The following CCDC7 variants were observed in gnomAD, a reference collection of about 807,000 sequenced individuals.
CCDC7 encodes the protein coiled-coil domain containing 7, also known as coiled-coil domain-containing protein 7.
Under a neutral mutation model 196.9 loss-of-function variants are expected in CCDC7, and 183 were observed. The ratio of observed to expected loss-of-function variants is 0.93; its 90% CI spans 0.82 to 1.05. The LOEUF (loss-of-function observed/expected upper bound fraction) is 1.05, where lower values mean the gene tolerates loss of function less well. Among genes scored for constraint, CCDC7 ranks in the 50% least tolerant of loss-of-function variants. CCDC7 has a pLI of 0.00. For missense variants in CCDC7, 1,540 were observed against 1,482.2 expected (o/e 1.04, Z -0.64); for synonymous variants, 525 against 484.6 (o/e 1.08, Z -1.10).
chr10:32,866,528 C>A (rs893352938), intron 41 of CCDC7, among the ~76,000 whole-genome samples: 1 of 149,572 alleles, frequency 6.7e-6, no homozygotes, highest in Non-Finnish European at 1.5e-5. Flanking sequence ...GATTAGCCAT[C>A]GAAGTAATTA....
chr10:32,676,534 A>G (rs993408525), intron 21 of CCDC7, among the ~76,000 whole-genome samples: 5 of 152,094 alleles, frequency 3.3e-5, no homozygotes, highest in African/African-American at 1.2e-4. Context: ...AAAAAAACAA[A>G]CAACCCCATC....
At chr10:32,700,797 AT>A (rs2078576427) in intron 24 of CCDC7, among the ~76,000 whole-genome samples, 1 of 151,948 alleles carries the variant, frequency 6.6e-6, no homozygotes, top group Non-Finnish European at 1.5e-5. Flanking sequence ...ATTCCTAGGT[AT>A]TTTATTTTCT....
intron 22 of CCDC7, 51 bp downstream of exon 23, chr10:32,686,131 C>A (rs376233653): frequency 1.7e-5 from 16 of 935,694 alleles, no homozygotes; most frequent in Middle Eastern, 2.5e-4. Flanking sequence ...TTAGTCACAG[C>A]AAAGGTATTT....
chr10:32,731,909 G>A (rs563149658), intron 28 of CCDC7, among the ~76,000 whole-genome samples: 3 of 152,004 alleles, frequency 2.0e-5, no homozygotes, highest in South Asian at 2.1e-4. Flanking sequence ...AAAAATTAGC[G>A]GCGCATGGTG....
chr10:32,558,634 C>T lies in CCDC7; in HGVS notation c.1135-6924C>T, dbSNP rs532171720. 2.1e-4 allele frequency among the ~76,000 whole-genome samples: 32 copies of T among 152,348 alleles called. 1 individual carries two copies. The South Asian group carries it at 6.6e-3, about 32-fold the overall frequency. On this transcript the variant is annotated intron_variant, in intron 13 of 41. Transcript: ENST00000639629. Reference sequence around the variant, plus strand: ...AAAAATGAGAATCTTCCCTAGAGTTCTTCCCTTCCTCCAAATGTCACCTTC... The same window carrying T: ...AAAAATGAGAATCTTCCCTAGAGTTTTTCCCTTCCTCCAAATGTCACCTTC...
intron 41 of CCDC7, among the ~76,000 whole-genome samples, chr10:32,866,377 A>G (rs1183241425): frequency 6.6e-6 from 1 of 151,876 alleles, no homozygotes; most frequent in Non-Finnish European, 1.5e-5. Flanking sequence ...ATATATACAA[A>G]GTGTTCTTAA....
chr10:32,469,255 GGATATT>G (rs2133864546), intron 5 of CCDC7, among the ~76,000 whole-genome samples: 1 of 152,260 alleles, frequency 6.6e-6, no homozygotes, highest in South Asian at 2.1e-4. Flanking sequence ...ATCTACTAAA[GGATATT>G]GATAGACATT....
At chr10:32,593,023 CT>C (rs781277476) in intron 18 of CCDC7, among the ~76,000 whole-genome samples, 17 of 152,298 alleles carry the variant, frequency 1.1e-4, no homozygotes, top group Non-Finnish European at 2.4e-4. Flanking sequence ...GTGCATGTGT[CT>C]TTATAGCAGC....
intron 31 of CCDC7, 149 bp from the exon 33 acceptor site, chr10:32,824,369 T>C (rs1420128171): frequency 2.1e-6 from 1 of 473,136 alleles, no homozygotes; most frequent in African/African-American, 1.9e-5. Flanking sequence ...TCCTTTCAAT[T>C]TGAATTCCTA....
intron 21 of CCDC7, among the ~76,000 whole-genome samples, chr10:32,677,282 G>A (rs533391747): frequency 5.3e-5 from 8 of 151,300 alleles, no homozygotes; most frequent in African/African-American, 1.2e-4. Context: ...GAGTTAATGG[G>A]TGCAGCACAC....
chr10:32,630,575 A>C (rs1266300760), intron 18 of CCDC7, among the ~76,000 whole-genome samples: 1 of 152,108 alleles, frequency 6.6e-6, no homozygotes, highest in Non-Finnish European at 1.5e-5. Context: ...TAATAGCTAG[A>C]TTTCAGCACT....
At chr10:32,810,094 C>A (rs1379772244) in intron 30 of CCDC7, among the ~76,000 whole-genome samples, 1 of 151,692 alleles carries the variant, frequency 6.6e-6, no homozygotes, top group Non-Finnish European at 1.5e-5. Flanking sequence ...CAGAAAATCA[C>A]CAAACCACAA....
chr10:32,761,971 T>A (rs1312233996), intron 28 of CCDC7, among the ~76,000 whole-genome samples: 1 of 151,940 alleles, frequency 6.6e-6, no homozygotes. Flanking sequence ...GGATCAATTC[T>A]CTCTGAGAGC....
chr10:32,767,142 A>G (rs928878496), intron 28 of CCDC7, among the ~76,000 whole-genome samples: 6 of 152,040 alleles, frequency 3.9e-5, no homozygotes, highest in Non-Finnish European at 7.4e-5. Flanking sequence ...ATTTTATCCC[A>G]TAGCCAACAC....
intron 28 of CCDC7, among the ~76,000 whole-genome samples, chr10:32,774,043 GTTTTTA>G (rs1249722843): frequency 6.6e-6 from 1 of 152,100 alleles, no homozygotes; most frequent in African/African-American, 2.4e-5. Flanking sequence ...AATATAAATA[GTTTTTA>G]TTTTTAAGTG....
chr10:32,768,667 TTTA>T (rs1490163989), intron 28 of CCDC7, among the ~76,000 whole-genome samples: 1 of 152,112 alleles, frequency 6.6e-6, no homozygotes, highest in African/African-American at 2.4e-5. Context: ...ATATATGGCC[TTTA>T]TTATTTTGAG....
At chr10:32,792,772 C>T (rs936179754) in intron 29 of CCDC7, among the ~76,000 whole-genome samples, 2 of 152,142 alleles carry the variant, frequency 1.3e-5, no homozygotes, top group Non-Finnish European at 2.9e-5. Flanking sequence ...TGCACTCCAG[C>T]CTGGGTGATG....
At chr10:32,584,043 A>G (rs72795559) in intron 17 of CCDC7, among the ~76,000 whole-genome samples, 189 bp from the exon 19 acceptor site, 17,168 of 152,162 alleles carry the variant, frequency 0.11, 1,167 homozygotes, top group South Asian at 0.27. Flanking sequence ...TCTCAGGTCC[A>G]TTAATTGTTC....
At chr10:32,688,922 C>A in intron 22 of CCDC7, 131 bp from the exon 24 acceptor site, 8 of 642,178 alleles carry the variant, frequency 1.2e-5, no homozygotes, top group South Asian at 1.8e-5. Context: ...GTAGATATAG[C>A]ATTATGGTAA....
Sources: gnomAD v4.1 joint callset for allele counts (sites outside exome capture counted in the v4.1 genomes callset) on GRCh38, gnomAD v4.1.1 for gene constraint, MANE v1.5 for transcripts, NCBI Gene and HGNC (gene_info 2026-07-23, HGNC 2026-07-21) for gene names.